Variants in TIMM17A observed in about 807,000 individuals in gnomAD.
TIMM17A encodes mitochondrial import inner membrane translocase subunit Tim17-A.
A neutral mutation model predicts 26.5 loss-of-function variants in TIMM17A; 15 were observed. That is an observed-to-expected ratio of 0.57 (90% CI 0.38 to 0.87). TIMM17A has a LOEUF of 0.87. TIMM17A is among the 40% of genes least tolerant of loss of function. The probability of loss-of-function intolerance (pLI) is 0.00; values close to 1 mark genes in which losing one functional copy is unlikely to be tolerated. For missense variants in TIMM17A, 201 were observed against 210.0 expected, an observed-to-expected ratio of 0.96 and a Z score of 0.27; for synonymous variants, 80 against 70.8, an observed-to-expected ratio of 1.13 and a Z score of -0.66.
chr1:201,955,624 T>G, intron 1 of TIMM17A, 72 bp downstream of exon 1: 1 of 1,602,680 alleles, frequency 6.2e-7, no homozygotes, highest in Admixed American at 1.7e-5. Flanking sequence ...TTGTCCAGGC[T>G]CCCAAGGTGC....
chr1:201,960,218 G>T (rs1423032824), intron 3 of TIMM17A, among the ~76,000 whole-genome samples: 2 of 152,008 alleles, frequency 1.3e-5, no homozygotes, highest in African/African-American at 4.8e-5. Context: ...GGCCAACATG[G>T]TGAAACCCCC....
At chr1:201,957,076 A>T (rs1284500556) in intron 1 of TIMM17A, among the ~76,000 whole-genome samples, 3 of 151,778 alleles carry the variant, frequency 2.0e-5, no homozygotes, top group Non-Finnish European at 4.4e-5. Context: ...TTACCTGGTT[A>T]TCTTTGTAGT....
At chr1:201,963,986 G>A (rs927526842) in intron 4 of TIMM17A, among the ~76,000 whole-genome samples, 2 of 152,052 alleles carry the variant, frequency 1.3e-5, no homozygotes, top group Non-Finnish European at 1.5e-5. Flanking sequence ...GGGTGTGTTG[G>A]TGCATGCCTA....
chr1:201,955,648 C>T, intron 1 of TIMM17A, 96 bp downstream of exon 1: 2 of 1,553,782 alleles, frequency 1.3e-6, no homozygotes, highest in Admixed American at 3.5e-5. Context: ...CCAGACTCAA[C>T]CGCAGCCTCG....
intron 1 of TIMM17A, among the ~76,000 whole-genome samples, 171 bp downstream of exon 1, chr1:201,955,723 C>T (rs555836377): frequency 6.6e-6 from 1 of 152,236 alleles, no homozygotes; most frequent in Non-Finnish European, 1.5e-5. Context: ...TAGCCCTGTA[C>T]TTAGTACCTC....
intron 5 of TIMM17A, among the ~76,000 whole-genome samples, chr1:201,966,584 T>C (rs1050037649): frequency 1.3e-5 from 2 of 152,268 alleles, no homozygotes; most frequent in Admixed American, 6.5e-5. Context: ...GGCTCACACC[T>C]GTAATCCCAG....
chr1:201,955,703 G>C, intron 1 of TIMM17A, 151 bp downstream of exon 1: 2 of 1,112,056 alleles, frequency 1.8e-6, no homozygotes, highest in Non-Finnish European at 2.7e-6. Flanking sequence ...TTCGCGGCCA[G>C]TCGGCTTCTT....
At chr1:201,964,917 G>C (rs1269869326) in intron 4 of TIMM17A, among the ~76,000 whole-genome samples, 1 of 150,466 alleles carries the variant, frequency 6.6e-6, no homozygotes, top group East Asian at 2.0e-4. Flanking sequence ...CAAAGTGTTG[G>C]GATTACGGGC....
chr1:201,966,984 A>G (rs140086418), intron 5 of TIMM17A, among the ~76,000 whole-genome samples: 2,885 of 60,106 alleles, frequency 0.048, 104 homozygotes, highest in African/African-American at 0.13. Flanking sequence ...GTTGTATATT[A>G]TATATGTTGT....
At chr1:201,957,805 T>TA (rs1199922656) in intron 3 of TIMM17A, 10 of 455,224 alleles carry the variant, frequency 2.2e-5, no homozygotes, top group Non-Finnish European at 3.5e-5. Context: ...CGGTGATTTT[T>TA]TTTTTTTTTC....
At chr1:201,963,578 A>T (rs773830385) in intron 3 of TIMM17A, 38 bp from the exon 4 acceptor site, 2 of 1,579,622 alleles carry the variant, frequency 1.3e-6, no homozygotes, top group Admixed American at 4.0e-5. Flanking sequence ...GATGAAATTT[A>T]AATTAGTATT....
intron 5 of TIMM17A, among the ~76,000 whole-genome samples, chr1:201,966,232 A>T (rs1268165385): frequency 1.3e-5 from 2 of 152,156 alleles, no homozygotes; most frequent in Non-Finnish European, 2.9e-5. Context: ...GCCAGGCATA[A>T]TGGCTCACAC....
intron 5 of TIMM17A, among the ~76,000 whole-genome samples, chr1:201,967,153 TC>T: frequency 6.6e-6 from 1 of 151,858 alleles, no homozygotes; most frequent in Non-Finnish European, 1.5e-5. Context: ...TAGGAATAGA[TC>T]ATACATCCCA....
Position 201,957,528 on chromosome 1 carries a change from A to G in TIMM17A, c.144A>G (p.Leu48=), listed in dbSNP as rs1432789524. The change falls in exon 3 of 6, where the codon CTA becomes CTG. Residue 48 remains leucine, a synonymous_variant. Transcript: ENST00000367287. ...RNSPVGVNHR[L]RGSLTAIKTR... ...TGTTATAGGGAGTAAACCACAGACT[A>G]CGAGGGAGTTTGACAGCTATTAAAA... 3 of 1,613,780 alleles carry G rather than the reference A, an allele frequency of 1.9e-6. No individual in the cohort carries two copies. Among genetic ancestry groups the G allele is most frequent in the South Asian group, 2.2e-5 (2 of 91,002 alleles).
intron 1 of TIMM17A, among the ~76,000 whole-genome samples, chr1:201,956,197 A>G (rs1253202739): frequency 6.6e-6 from 1 of 152,222 alleles, no homozygotes; most frequent in Non-Finnish European, 1.5e-5. Context: ...AGCCATGGAC[A>G]GAAATTCATT....
At chr1:201,961,909 C>T (rs1210685168) in intron 3 of TIMM17A, among the ~76,000 whole-genome samples, 2 of 151,896 alleles carry the variant, frequency 1.3e-5, no homozygotes, top group Non-Finnish European at 2.9e-5. Flanking sequence ...CTCTGACACT[C>T]CATGCCAGGC....
At chr1:201,967,517 TTTTATTTATTTATTTTATTTA>T (rs1553301608) in intron 5 of TIMM17A, among the ~76,000 whole-genome samples, 2 of 142,900 alleles carry the variant, frequency 1.4e-5, no homozygotes, top group Admixed American at 7.0e-5. Context: ...GGAATCTCCT[TTTTATTTATTTATTTTATTTA>T]TTTATTTATT....
intron 5 of TIMM17A, among the ~76,000 whole-genome samples, chr1:201,966,799 A>G (rs973814571): frequency 1.3e-5 from 2 of 149,548 alleles, no homozygotes; most frequent in Admixed American, 6.7e-5. Flanking sequence ...CTGAGATCAC[A>G]CCATTGCACT....
In TIMM17A at chr1:201,960,293, G is replaced by A. The variant is rs370701127; in HGVS notation, c.190+2719G>A. On this transcript the variant is annotated intron_variant, in intron 3 of 5. Coordinates refer to ENST00000367287, the MANE Select transcript of TIMM17A (RefSeq NM_006335.3). ...CAGGCACCTGTAATCCTAGCTACTC[G>A]GGAGACTGAGGGAGAAGAATCGCTT... Among the ~76,000 whole-genome samples, 26 of 152,050 alleles carry A rather than the reference G, an allele frequency of 1.7e-4. No individual in the cohort carries two copies. The East Asian group carries it at 2.7e-3, about 16-fold the overall frequency.
Sources: allele counts gnomAD v4.1 joint callset (sites outside exome capture counted in the v4.1 genomes callset), GRCh38; gene constraint gnomAD v4.1.1; transcripts MANE v1.5; gene names NCBI Gene and HGNC (gene_info 2026-07-23, HGNC 2026-07-21).